Variants in NIBAN2 observed in about 807,000 individuals in gnomAD.
NIBAN2 encodes the protein protein Niban 2.
Under a neutral mutation model 81.8 loss-of-function variants are expected in NIBAN2, and 36 were observed. The observed-to-expected ratio is 0.44, with a 90% CI of 0.34 to 0.58. The LOEUF is 0.58. Ranked by LOEUF, NIBAN2 falls within the 20% of genes least tolerant of loss-of-function variation. NIBAN2 has a pLI of 0.02. For missense variants in NIBAN2, 897 were observed against 1,014.1 expected (o/e 0.88, Z 1.57); for synonymous variants, 445 against 441.6 (o/e 1.01, Z -0.10).
At chr9:127,513,475 C>T (rs559377724) in intron 8 of NIBAN2, among the ~76,000 whole-genome samples, 2 of 152,008 alleles carry the variant, frequency 1.3e-5, no homozygotes, top group Admixed American at 1.3e-4. Flanking sequence ...TGAGATAGGT[C>T]GGCACAAGAT....
intron 1 of NIBAN2, among the ~76,000 whole-genome samples, chr9:127,540,654 TG>T (rs906316973): frequency 1.2e-4 from 18 of 152,208 alleles, no homozygotes; most frequent in Non-Finnish European, 2.4e-4. Context: ...ATCTGCACCC[TG>T]GTCCCGACCT....
chr9:127,512,423 A>G lies in NIBAN2; in HGVS notation c.974-2090T>C, dbSNP rs1030485857. Among the ~76,000 whole-genome samples, 7 of 151,772 alleles carry G rather than the reference A, an allele frequency of 4.6e-5. No individual in the cohort carries two copies. In the South Asian group the frequency reaches 1.0e-3, roughly 23 times the overall value. On this transcript the variant is annotated intron_variant, in intron 8 of 13. Coordinates refer to ENST00000373312, the MANE Select transcript of NIBAN2 (RefSeq NM_022833.4). The stretch of plus-strand genomic sequence containing the variant: ...GCCTCAGCCTCCTAGAGCAGCTGGG[A>G]CTACAGGCATGCGCCACCACATCCA...
chr9:127,509,328 G>C (rs1006326679), intron 9 of NIBAN2, among the ~76,000 whole-genome samples, 197 bp from the exon 10 acceptor site: 5 of 152,180 alleles, frequency 3.3e-5, no homozygotes, highest in Non-Finnish European at 5.9e-5. Context: ...TGAAGGCATG[G>C]AGGGCGCAGT....
upstream of NIBAN2, among the ~76,000 whole-genome samples, chr9:127,570,081 G>A (rs1465116032): frequency 6.6e-6 from 1 of 152,140 alleles, no homozygotes; most frequent in Non-Finnish European, 1.5e-5. Flanking sequence ...GATCTGCACT[G>A]GGACAAGGCC....
intron 9 of NIBAN2, among the ~76,000 whole-genome samples, chr9:127,509,476 G>A (rs937968608): frequency 1.3e-5 from 2 of 152,182 alleles, no homozygotes; most frequent in African/African-American, 4.8e-5. Context: ...TTGGGAGAGA[G>A]CTTTCCTGCT....
chr9:127,524,602 G>A lies in NIBAN2; in HGVS notation c.421+456C>T, dbSNP rs139996037. Among the ~76,000 whole-genome samples the A allele has an allele frequency of 6.1e-3, 923 of 152,034 alleles. 11 individuals carry two copies. The highest frequency in any genetic ancestry group is 0.021 in the African/African-American group (874 of 41,550). On this transcript the variant is annotated intron_variant, in intron 4 of 13. Transcript: ENST00000373312. ...AATGCTGCTGGAATCCAGGAATGCC[G>A]CTCGAATCCAGGAATGCCCAGGCCC...
In NIBAN2 at chr9:127,508,397, CG is replaced by C. The variant is rs751800076; in HGVS notation, c.1434+24del. On this transcript the variant is annotated intron_variant, in intron 11 of 13. Coordinates refer to ENST00000373312, the MANE Select transcript of NIBAN2 (RefSeq NM_022833.4). The surrounding 1 kb of genome is among the most constrained non-coding windows in gnomAD (Gnocchi z 6.4). The stretch of plus-strand genomic sequence containing the variant: ...GGGCTCGGCCTCGCCTAGGACGGTC[CG>C]GGGCAGGGCGTGGGGCCGCTCACCT... The C allele has an allele frequency of 6.3e-7, 1 of 1,580,068 alleles. No homozygotes were observed. Among genetic ancestry groups the C allele is most frequent in the South Asian group, 1.1e-5 (1 of 90,498 alleles).
chr9:127,566,214 G>A (rs1015624518), intron 1 of NIBAN2, among the ~76,000 whole-genome samples: 1 of 152,178 alleles, frequency 6.6e-6, no homozygotes, highest in Non-Finnish European at 1.5e-5. Flanking sequence ...GATTTGTGGG[G>A]AAAATTTGGG....
chr9:127,571,889 C>A (rs547845923), upstream of NIBAN2, among the ~76,000 whole-genome samples: 1 of 152,026 alleles, frequency 6.6e-6, no homozygotes, highest in Non-Finnish European at 1.5e-5. Context: ...AAAAAAAAAT[C>A]TGGAGGGAAC....
Position 127,507,029 on chromosome 9 carries a change from G to A in NIBAN2, c.2057C>T (p.Ala686Val). The change falls in exon 14 of 14, where the codon GCC becomes GTC. Residue 686 changes from alanine (A) to valine (V), a missense_variant. Transcript: ENST00000373312. The surrounding 1 kb of genome is among the most constrained non-coding windows in gnomAD (Gnocchi z 6.8). The stretch of plus-strand genomic sequence containing the variant: ...AGGCGGCGAGGAGGCCTCGGGGGCG[G>A]CCTTAGGCTGGGGACTCTCCCCAGC... ...APAGESPQPKAAPEASSPPAS... is the reference protein window; with the variant it reads ...APAGESPQPKVAPEASSPPAS... The A allele has an allele frequency of 6.3e-7, 1 of 1,589,436 alleles. No individual in the cohort carries two copies.
At chr9:127,511,590 G>A (rs1243447100) in intron 8 of NIBAN2, among the ~76,000 whole-genome samples, 1 of 152,048 alleles carries the variant, frequency 6.6e-6, no homozygotes, top group Non-Finnish European at 1.5e-5. Context: ...ATCCATGCAG[G>A]AAAAATGACA....
chr9:127,513,310 G>A (rs922080402), intron 8 of NIBAN2, among the ~76,000 whole-genome samples: 29 of 152,288 alleles, frequency 1.9e-4, no homozygotes, highest in African/African-American at 6.5e-4. Context: ...AGTCGAGGGC[G>A]AGGGGGAGAT....
intron 8 of NIBAN2, among the ~76,000 whole-genome samples, chr9:127,515,454 G>A (rs1044344747): frequency 4.0e-5 from 6 of 149,076 alleles, no homozygotes; most frequent in Non-Finnish European, 8.9e-5. Context: ...CCGGGAGGTG[G>A]AGCTTGCAGT....
In NIBAN2 at chr9:127,507,196, C is replaced by T. The variant is rs764766873; in HGVS notation, c.1890G>A (p.Glu630=). ...GGCTAGCCTCAAAGGGCAGCCCCACCTCCTCATCCTGGACCACAGAGACCA... is the reference window on the plus strand; with the variant it reads ...GGCTAGCCTCAAAGGGCAGCCCCACTTCCTCATCCTGGACCACAGAGACCA... ...KQVVSVVQDE[E]VGLPFEASPE... is the part of the protein sequence containing the mutation. The change falls in exon 14 of 14, where the codon GAG becomes GAA. Residue 630 remains glutamate, a synonymous_variant. Coordinates refer to ENST00000373312, the MANE Select transcript of NIBAN2 (RefSeq NM_022833.4). The surrounding 1 kb of genome is among the most constrained non-coding windows in gnomAD (Gnocchi z 6.8). 33 of 1,613,062 alleles carry T rather than the reference C, an allele frequency of 2.0e-5. No individual in the cohort carries two copies. In the East Asian group the frequency reaches 6.7e-4, roughly 33 times the overall value.
intron 1 of NIBAN2, among the ~76,000 whole-genome samples, chr9:127,533,626 C>T (rs1460323374): frequency 1.3e-5 from 2 of 152,062 alleles, no homozygotes; most frequent in African/African-American, 4.8e-5. Context: ...AGAGCGAGAC[C>T]CTGTCTCAAC....
chr9:127,535,521 C>A (rs1050131468), intron 1 of NIBAN2, among the ~76,000 whole-genome samples: 4 of 152,134 alleles, frequency 2.6e-5, no homozygotes, highest in Non-Finnish European at 5.9e-5. Flanking sequence ...AGGGACCCCG[C>A]TGCCTGTCAG....
Position 127,525,181 on chromosome 9 carries a change from G to A in NIBAN2, c.316-18C>T. On this transcript the variant is annotated intron_variant, in intron 3 of 13. Coordinates refer to ENST00000373312, the MANE Select transcript of NIBAN2 (RefSeq NM_022833.4). ...TCATAGGCCTGAGGGAGGCAAGAGA[G>A]AGGGTCCCTGAGGGTTAAGGTGCGG... 1 of 1,592,766 alleles carries A rather than the reference G, an allele frequency of 6.3e-7. No individual in the cohort carries two copies. Among genetic ancestry groups the A allele is most frequent in the Non-Finnish European group, 8.6e-7 (1 of 1,160,810 alleles).
chr9:127,516,957 C>G lies in NIBAN2; in HGVS notation c.873G>C (p.Leu291=), dbSNP rs777897065. Residue 291 remains leucine (L), a synonymous_variant, in exon 8 of 14, where the codon CTG becomes CTC. Coordinates refer to ENST00000373312, the MANE Select transcript of NIBAN2 (RefSeq NM_022833.4). ...EQAKARFEEV[L]SKVQQVQPAM... ...CCGGCTGCACCTGCTGCACCTTGGACAGCACCTCCTCGAAGCGCGCCTTGG... is the reference window on the plus strand; with the variant it reads ...CCGGCTGCACCTGCTGCACCTTGGAGAGCACCTCCTCGAAGCGCGCCTTGG... 1.9e-6 allele frequency: 3 copies of G among 1,614,146 alleles called. No homozygotes were observed. Among genetic ancestry groups the G allele is most frequent in the South Asian group, 1.1e-5 (1 of 91,084 alleles).
At position 127,563,097 on chromosome 9, in the gene NIBAN2, G is replaced by T. The variant is rs573772272; in HGVS notation, c.55+5723C>A. On this transcript the variant is annotated intron_variant, in intron 1 of 13. Coordinates refer to ENST00000373312, the MANE Select transcript of NIBAN2 (RefSeq NM_022833.4). The surrounding 1 kb of genome is among the most constrained non-coding windows in gnomAD (Gnocchi z 4.1). ...CAGCAGGGAGGGCAGCCATGGCCCCGCGTGGGTTTAGAAAGGTCCCTTTGG... is the reference window on the plus strand; with the variant it reads ...CAGCAGGGAGGGCAGCCATGGCCCCTCGTGGGTTTAGAAAGGTCCCTTTGG... Among the ~76,000 whole-genome samples the T allele has an allele frequency of 7.9e-5, 12 of 152,176 alleles. No individual in the cohort carries two copies. Among genetic ancestry groups the T allele is most frequent in the South Asian group, 2.1e-4 (1 of 4,822 alleles).
Sources: gnomAD v4.1 joint callset for allele counts (sites outside exome capture counted in the v4.1 genomes callset) on GRCh38, gnomAD v4.1.1 for gene constraint, Gnocchi (gnomAD v3.1) non-coding constraint, MANE v1.5 for transcripts, NCBI Gene and HGNC (gene_info 2026-07-23, HGNC 2026-07-21) for gene names.